ARHGEF3: variants seen among roughly 807,000 people sequenced by gnomAD.
ARHGEF3 encodes 59.8 kDA protein.
ARHGEF3 carries 28 observed loss-of-function variants against 63.2 expected under a neutral mutation model. The ratio of observed to expected loss-of-function variants is 0.44; its 90% confidence interval spans 0.33 to 0.61. The LOEUF is 0.61. Ranked by LOEUF, ARHGEF3 falls within the 20% of genes least tolerant of loss-of-function variation. The probability of loss-of-function intolerance (pLI) is 0.03; values close to 1 mark genes in which losing one functional copy is unlikely to be tolerated. For missense variants in ARHGEF3, 533 were observed against 659.3 expected, an observed-to-expected ratio of 0.81 and a Z score of 2.10; for synonymous variants, 266 against 254.2, an observed-to-expected ratio of 1.05 and a Z score of -0.44.
At chr3:56,882,378 A>G (rs1179668590) in intron 3 of ARHGEF3, 7 of 1,550,444 alleles carry the variant, frequency 4.5e-6, no homozygotes, top group East Asian at 4.9e-5. Context: ...GAAAAAACAA[A>G]GTTCAAAGGT....
chr3:56,828,394 C>T (rs1348769000), intron 4 of ARHGEF3, among the ~76,000 whole-genome samples: 2 of 152,010 alleles, frequency 1.3e-5, no homozygotes, highest in African/African-American at 2.4e-5. Context: ...ATTAGCCAGG[C>T]GCAGTGGCAG....
At chr3:56,783,525 A>G (rs2036659932) in intron 1 of ARHGEF3, among the ~76,000 whole-genome samples, 1 of 152,140 alleles carries the variant, frequency 6.6e-6, no homozygotes, top group East Asian at 1.9e-4. Context: ...TTGCCCCCAC[A>G]TTGGAAAAGT....
intron 3 of ARHGEF3, among the ~76,000 whole-genome samples, chr3:56,920,764 T>C (rs1027927777): frequency 1.3e-5 from 2 of 152,170 alleles, no homozygotes; most frequent in Admixed American, 6.5e-5. Context: ...AAAAATCTCA[T>C]GGCCAAGGCC....
chr3:57,029,152 C>T (rs1436123249), intron 2 of ARHGEF3, among the ~76,000 whole-genome samples: 5 of 152,118 alleles, frequency 3.3e-5, no homozygotes, highest in African/African-American at 7.2e-5. Context: ...CTACTTGGGC[C>T]GGGCGTGGTG....
At chr3:56,780,358 A>G (rs1020373583) in intron 1 of ARHGEF3, among the ~76,000 whole-genome samples, 3 of 152,214 alleles carry the variant, frequency 2.0e-5, no homozygotes, top group Non-Finnish European at 4.4e-5. Flanking sequence ...TTTTGAAATA[A>G]TCTTAGATTT....
At chr3:56,770,445 T>A (rs935539719) in intron 2 of ARHGEF3, among the ~76,000 whole-genome samples, 5 of 148,388 alleles carry the variant, frequency 3.4e-5, no homozygotes, top group Admixed American at 2.7e-4. Flanking sequence ...TTAAATTAAA[T>A]TAAAATAAAA....
chr3:56,921,767 T>C (rs1441905824), intron 3 of ARHGEF3, among the ~76,000 whole-genome samples: 1 of 152,148 alleles, frequency 6.6e-6, no homozygotes, highest in Non-Finnish European at 1.5e-5. Flanking sequence ...GTATCCCAGC[T>C]CAACAAGATT....
chr3:56,905,480 C>T (rs758213141), intron 3 of ARHGEF3, among the ~76,000 whole-genome samples: 1 of 152,158 alleles, frequency 6.6e-6, no homozygotes, highest in Non-Finnish European at 1.5e-5. Context: ...TTATTTAAGT[C>T]CCCATTGACT....
At chr3:56,803,047 G>C (rs541109436), upstream of ARHGEF3, among the ~76,000 whole-genome samples, 2 of 152,164 alleles carry the variant, frequency 1.3e-5, no homozygotes, top group East Asian at 3.8e-4. Context: ...GTTTACCAAA[G>C]AATATCATAT....
At chr3:57,018,058 C>T (rs1452052578) in intron 2 of ARHGEF3, among the ~76,000 whole-genome samples, 1 of 152,090 alleles carries the variant, frequency 6.6e-6, no homozygotes, top group African/African-American at 2.4e-5. Context: ...GCAGGTGGAT[C>T]AGTTGAGGTC....
At chr3:56,763,638 A>C (rs1429145904) in intron 2 of ARHGEF3, among the ~76,000 whole-genome samples, 2 of 152,216 alleles carry the variant, frequency 1.3e-5, no homozygotes, top group South Asian at 4.1e-4. Context: ...CCCAATTTGA[A>C]ATACAACAAA....
At chr3:57,007,277 C>T (rs1367203670) in intron 2 of ARHGEF3, 2 of 1,289,664 alleles carry the variant, frequency 1.6e-6, no homozygotes, top group East Asian at 5.5e-5. Context: ...TCTCAATAGC[C>T]TGAAAAACCA....
intron 1 of ARHGEF3, among the ~76,000 whole-genome samples, chr3:57,062,721 A>G (rs1705298393): frequency 6.6e-6 from 1 of 151,826 alleles, no homozygotes; most frequent in Non-Finnish European, 1.5e-5. Context: ...CACACACACA[A>G]CAAACATGCA....
chr3:56,744,139 G>A (rs1010501804), intron 7 of ARHGEF3, among the ~76,000 whole-genome samples: 1 of 152,064 alleles, frequency 6.6e-6, no homozygotes, highest in Non-Finnish European at 1.5e-5. Context: ...CCTAACCCCA[G>A]GCCAACTGAT....
intron 2 of ARHGEF3, among the ~76,000 whole-genome samples, chr3:56,968,163 T>TTAA (rs1700698608): frequency 3.5e-5 from 1 of 28,820 alleles, no homozygotes; most frequent in African/African-American, 1.1e-4. Context: ...AAAATATATA[T>TTAA]TATATAATAT....
chr3:56,842,883 T>G (rs1241380920), intron 4 of ARHGEF3, among the ~76,000 whole-genome samples: 7 of 152,228 alleles, frequency 4.6e-5, no homozygotes, highest in Non-Finnish European at 8.8e-5. Flanking sequence ...CATCCTTTTC[T>G]TTATTGTCAA....
intron 4 of ARHGEF3, among the ~76,000 whole-genome samples, chr3:56,818,006 G>C (rs556366510): frequency 6.6e-6 from 1 of 152,270 alleles, no homozygotes; most frequent in South Asian, 2.1e-4. Context: ...ACCCTGTTTT[G>C]ATCAAACAGA....
chr3:56,893,581 G>A (rs7634040), intron 3 of ARHGEF3, among the ~76,000 whole-genome samples: 45,001 of 151,948 alleles, frequency 0.3, 7,501 homozygotes, highest in Non-Finnish European at 0.38. Context: ...TGAGACGGGC[G>A]GATCACCTGA....
intron 1 of ARHGEF3, among the ~76,000 whole-genome samples, chr3:57,045,246 G>A (rs1444395655): frequency 3.9e-5 from 6 of 152,174 alleles, no homozygotes; most frequent in Non-Finnish European, 8.8e-5. Flanking sequence ...CAGCCTGGGT[G>A]ATAAGAGCGA....
Sources: allele counts gnomAD v4.1 joint callset (sites outside exome capture counted in the v4.1 genomes callset), GRCh38; gene constraint gnomAD v4.1.1; transcripts MANE v1.5; gene names NCBI Gene and HGNC (gene_info 2026-07-23, HGNC 2026-07-21).